PLCG2: variants seen among roughly 807,000 people sequenced by gnomAD.
PLCG2 encodes the protein phospholipase C gamma 2.
PLCG2 carries 69 observed loss-of-function variants against 175.6 expected under a neutral mutation model. The observed-to-expected ratio is 0.39, with a 90% CI of 0.32 to 0.48. The LOEUF (loss-of-function observed/expected upper bound fraction) is 0.48, where lower values mean the gene tolerates loss of function less well. Ranked by LOEUF, PLCG2 falls within the 20% of genes least tolerant of loss-of-function variation. The pLI, the probability that PLCG2 is intolerant of heterozygous loss-of-function variation, is 0.91. For synonymous variants in PLCG2, 827 were observed against 624.0 expected (o/e 1.33, Z -4.85); for missense variants, 1,798 against 1,650.9 (o/e 1.09, Z -1.54).
At chr16:81,842,455 G>A (rs930941771) in intron 2 of PLCG2, among the ~76,000 whole-genome samples, 37 of 152,186 alleles carry the variant, frequency 2.4e-4, no homozygotes, top group African/African-American at 8.7e-4. Context: ...AGCGCTCAGC[G>A]TGGGGTTCTG....
chr16:81,934,168 G>GACCTC (rs1910615265), intron 25 of PLCG2, among the ~76,000 whole-genome samples: 1 of 152,134 alleles, frequency 6.6e-6, no homozygotes, highest in South Asian at 2.1e-4. Context: ...CTTCCATCCT[G>GACCTC]ACCTCACCTA....
intron 2 of PLCG2, among the ~76,000 whole-genome samples, chr16:81,773,926 T>C (rs1240957863): frequency 6.6e-6 from 1 of 152,030 alleles, no homozygotes; most frequent in African/African-American, 2.4e-5. Context: ...ACTTTGATGG[T>C]TGCTGCTATA....
chr16:81,885,187 T>C (rs1908297966), intron 9 of PLCG2, among the ~76,000 whole-genome samples: 1 of 152,038 alleles, frequency 6.6e-6, no homozygotes, highest in Non-Finnish European at 1.5e-5. Context: ...CCACAACACC[T>C]GTATTTTTGT....
chr16:81,779,117 G>C (rs1052796357), upstream of PLCG2: 42 of 152,378 alleles, frequency 2.8e-4, 1 homozygote, highest in African/African-American at 1.0e-3. Context: ...GCAGAGGCGG[G>C]GCTCCAGGCC....
At chr16:81,804,894 G>T (rs1032163316) in intron 2 of PLCG2, among the ~76,000 whole-genome samples, 5 of 152,236 alleles carry the variant, frequency 3.3e-5, no homozygotes, top group African/African-American at 9.6e-5. Context: ...CCATGTGTCA[G>T]TATTGTGCTG....
At chr16:81,912,752 G>A (rs1454901391) in intron 19 of PLCG2, 36 bp downstream of exon 19, 2 of 1,555,442 alleles carry the variant, frequency 1.3e-6, no homozygotes, top group Non-Finnish European at 1.7e-6. Flanking sequence ...GCTCTACAGA[G>A]GGGCTTGGCA....
intron 2 of PLCG2, among the ~76,000 whole-genome samples, chr16:81,792,509 A>G (rs1437982189): frequency 7.0e-6 from 1 of 142,296 alleles, no homozygotes; most frequent in South Asian, 2.2e-4. Flanking sequence ...AAAAAAAAAA[A>G]AAGACAAAAC....
At chr16:81,815,217 A>G (rs1026236309) in intron 2 of PLCG2, among the ~76,000 whole-genome samples, 3 of 152,152 alleles carry the variant, frequency 2.0e-5, no homozygotes, top group African/African-American at 4.8e-5. Flanking sequence ...GTTTTATTGC[A>G]TATGGGGCCT....
At chr16:81,823,076 A>T (rs1597338212) in intron 2 of PLCG2, among the ~76,000 whole-genome samples, 1 of 152,392 alleles carries the variant, frequency 6.6e-6, no homozygotes, top group East Asian at 1.9e-4. Context: ...CAGCAGCCGT[A>T]GGGCACTTAT....
rs1360799912 is a variant in PLCG2, at chr16:81,743,766, C to CT, written c.-145+4382dup. Among the ~76,000 whole-genome samples, 3 of 152,334 alleles carry CT rather than the reference C, an allele frequency of 2.0e-5. No homozygotes were observed. In the East Asian group the frequency reaches 5.8e-4, roughly 29 times the overall value. On this transcript the variant is annotated intron_variant, in intron 1 of 5. Coordinates refer to the PLCG2 transcript ENST00000565054. ...GGGAGAGTGGCGAGATGAAGAAAGA[C>CT]TAAGTCCCAATGACATTGTTGGAGC...
Position 81,905,458 on chromosome 16 carries a change from A to G in PLCG2, c.1418A>G (p.Asp473Gly). 6.2e-7 allele frequency: 1 copy of G among 1,614,208 alleles called. No individual in the cohort carries two copies. Among genetic ancestry groups the G allele is most frequent in the Non-Finnish European group, 8.5e-7 (1 of 1,180,022 alleles). ...GATGTCAACATGGAGGACAAGAAGG[A>G]CGAACACAAGCAACAGGGGGAGCTG... ...DVDVNMEDKK[D>G]EHKQQGELYM... Residue 473 changes from aspartate (D) to glycine (G), a missense_variant, in exon 15 of 33, where the codon GAC becomes GGC. Asp to Gly is a moderately conservative substitution (Grantham distance 94, BLOSUM62 -1). Transcript: ENST00000564138.
intron 21 of PLCG2, among the ~76,000 whole-genome samples, chr16:81,921,967 A>C (rs1412286867): frequency 6.6e-6 from 1 of 152,250 alleles, no homozygotes; most frequent in Non-Finnish European, 1.5e-5. Flanking sequence ...TGTGAAATGC[A>C]TTAAGAGACC....
intron 2 of PLCG2, among the ~76,000 whole-genome samples, chr16:81,849,771 C>CA (rs34130863): frequency 0.015 from 1,214 of 83,032 alleles, 54 homozygotes; most frequent in African/African-American, 0.046. Flanking sequence ...AACTCTGTCT[C>CA]AAAAAAAAAA....
chr16:81,863,300 A>G (rs1354804158), intron 5 of PLCG2, among the ~76,000 whole-genome samples: 1 of 152,194 alleles, frequency 6.6e-6, no homozygotes, highest in Non-Finnish European at 1.5e-5. Flanking sequence ...CTAGCAGAAT[A>G]TTTGTCCTTT....
chr16:81,943,518 C>T (rs572003334), intron 30 of PLCG2, among the ~76,000 whole-genome samples: 19 of 152,302 alleles, frequency 1.2e-4, no homozygotes, highest in African/African-American at 4.1e-4. Context: ...GTGGAGATCA[C>T]AATTCAACAT....
intron 7 of PLCG2, among the ~76,000 whole-genome samples, chr16:81,872,580 A>C (rs1907569027): frequency 1.3e-5 from 2 of 152,230 alleles, no homozygotes; most frequent in Non-Finnish European, 2.9e-5. Flanking sequence ...AATTGAGACT[A>C]TTCTGTGCGA....
At chr16:81,767,956 C>G (rs982060088) in intron 2 of PLCG2, 1 of 152,226 alleles carries the variant, frequency 6.6e-6, no homozygotes, top group African/African-American at 2.4e-5. Context: ...ATGGCACAAT[C>G]TCAGCTCACT....
chr16:81,802,257 C>T lies in PLCG2; in HGVS notation c.193+16075C>T, dbSNP rs1053941257. ...CCTCCACAGTAGTTGGGATTACAGGCGCCCGCCACCGCGCCCAGCTAATTT... is the reference window on the plus strand; with the variant it reads ...CCTCCACAGTAGTTGGGATTACAGGTGCCCGCCACCGCGCCCAGCTAATTT... On this transcript the variant is annotated intron_variant, in intron 2 of 32. Transcript: ENST00000564138. Among the ~76,000 whole-genome samples, 6 of 151,544 alleles carry T rather than the reference C, an allele frequency of 4.0e-5. No homozygotes were observed. The East Asian group carries it at 5.9e-4, about 15-fold the overall frequency.
chr16:81,931,815 T>A (rs2143714169), intron 25 of PLCG2, among the ~76,000 whole-genome samples, 161 bp downstream of exon 25: 1 of 152,224 alleles, frequency 6.6e-6, no homozygotes, highest in Non-Finnish European at 1.5e-5. Context: ...GGAGCACCTC[T>A]TGTTAGAGAG....
Sources: gnomAD v4.1 joint callset for allele counts (sites outside exome capture counted in the v4.1 genomes callset) on GRCh38, gnomAD v4.1.1 for gene constraint, MANE v1.5 for transcripts, NCBI Gene and HGNC (gene_info 2026-07-23, HGNC 2026-07-21) for gene names.